Variants in LRRN1 observed in about 807,000 individuals in gnomAD.
The protein encoded by LRRN1 is leucine rich repeat neuronal 1.
LRRN1 carries 14 observed loss-of-function variants against 45.8 expected under a neutral mutation model. That is an observed-to-expected ratio of 0.31 (90% CI 0.20 to 0.48). The LOEUF is 0.48. Among genes scored for constraint, LRRN1 ranks in the 20% least tolerant of loss-of-function variants. The pLI is 0.99. For synonymous variants in LRRN1, 359 were observed against 330.1 expected (o/e 1.09, Z -0.95); for missense variants, 789 against 874.2 (o/e 0.90, Z 1.23).
chr3:3,838,554 G>C (rs989957447), intron 1 of LRRN1, among the ~76,000 whole-genome samples: 1 of 152,154 alleles, frequency 6.6e-6, no homozygotes, highest in Non-Finnish European at 1.5e-5. Context: ...CCTGAACTGG[G>C]ACATAATCGT....
chr3:3,820,431 A>G (rs896733752), intron 1 of LRRN1, among the ~76,000 whole-genome samples: 5 of 152,176 alleles, frequency 3.3e-5, no homozygotes, highest in African/African-American at 1.2e-4. Flanking sequence ...ATGGCCTTTC[A>G]TACAGGGCTG....
rs757046418 is a variant in LRRN1 at position 3,845,839 on chromosome 3, G to C, written c.1198G>C (p.Ala400Pro). ...CATGGAGCCCCTGTCCATGTTCTGT[G>C]CCATGCCGCCCGAATATAAAGGGCA... ...RFMEPLSMFC[A>P]MPPEYKGHQV... The change falls in exon 2 of 2, where the codon GCC (alanine) becomes CCC (proline). Residue 400 changes from alanine (A) to proline (P), a missense_variant. Transcript: ENST00000319331. This position sits in a 1 kb window ranked among gnomAD's most constrained non-coding sequence, Gnocchi z 6.5. The C allele has an allele frequency of 1.2e-6, 2 of 1,614,126 alleles. No homozygotes were observed. Among genetic ancestry groups the C allele is most frequent in the Non-Finnish European group, 8.5e-7 (1 of 1,180,024 alleles).
At chr3:3,812,313 G>A (rs1692891411) in intron 1 of LRRN1, among the ~76,000 whole-genome samples, 1 of 152,208 alleles carries the variant, frequency 6.6e-6, no homozygotes, top group Non-Finnish European at 1.5e-5. Context: ...GTAACATAAA[G>A]CCTTCTAAGA....
At chr3:3,843,350 A>G (rs901371442) in intron 1 of LRRN1, among the ~76,000 whole-genome samples, 1 of 152,232 alleles carries the variant, frequency 6.6e-6, no homozygotes, top group Non-Finnish European at 1.5e-5. Flanking sequence ...CAATGGTATG[A>G]CAGAATGAAG....
At chr3:3,802,804 T>G (rs79068015) in intron 1 of LRRN1, among the ~76,000 whole-genome samples, 1 of 152,374 alleles carries the variant, frequency 6.6e-6, no homozygotes, top group Non-Finnish European at 1.5e-5. Context: ...TTGACATTTC[T>G]AGACTATAAA....
intron 1 of LRRN1, among the ~76,000 whole-genome samples, chr3:3,824,436 T>C (rs932171400): frequency 2.6e-5 from 4 of 152,136 alleles, no homozygotes; most frequent in South Asian, 2.1e-4. Context: ...TTACAACTTA[T>C]ACATGCAATT....
chr3:3,809,481 G>A (rs771676813), intron 1 of LRRN1, among the ~76,000 whole-genome samples: 13 of 152,220 alleles, frequency 8.5e-5, no homozygotes, highest in African/African-American at 1.4e-4. Flanking sequence ...GCTTCAAACT[G>A]CTAGCAATAT....
At chr3:3,807,070 G>C (rs1470833212) in intron 1 of LRRN1, among the ~76,000 whole-genome samples, 2 of 152,168 alleles carry the variant, frequency 1.3e-5, no homozygotes, top group Non-Finnish European at 2.9e-5. Context: ...CTAGCTCTTG[G>C]GTTACCGAAG....
chr3:3,841,555 G>C (rs1157313560), intron 1 of LRRN1, among the ~76,000 whole-genome samples: 1 of 151,992 alleles, frequency 6.6e-6, no homozygotes, highest in Admixed American at 6.5e-5. Flanking sequence ...GTCTTGCTCT[G>C]TTGCCCAGGC....
At chr3:3,842,229 G>A (rs956615151) in intron 1 of LRRN1, among the ~76,000 whole-genome samples, 1 of 151,964 alleles carries the variant, frequency 6.6e-6, no homozygotes, top group Non-Finnish European at 1.5e-5. Context: ...TCTTTATGGT[G>A]GCACAAGACT....
intron 1 of LRRN1, among the ~76,000 whole-genome samples, chr3:3,818,555 ATT>A (rs1272614006): frequency 2.0e-5 from 3 of 152,132 alleles, no homozygotes; most frequent in Non-Finnish European, 4.4e-5. Flanking sequence ...ACAGAAAAAA[ATT>A]TTTCCCGTCG....
intron 1 of LRRN1, among the ~76,000 whole-genome samples, chr3:3,812,388 C>T (rs1204502568): frequency 6.6e-6 from 1 of 150,390 alleles, no homozygotes; most frequent in East Asian, 1.9e-4. Context: ...GAGAGTTAGC[C>T]AGGCAAAGCG....
rs1460395794 is a variant in LRRN1 at position 3,846,363 on chromosome 3, C to G, written c.1722C>G (p.Val574=). The G allele has an allele frequency of 6.2e-7, 1 of 1,613,792 alleles. No individual in the cohort carries two copies. The highest frequency in any genetic ancestry group is 2.2e-5 in the East Asian group (1 of 44,886). Reference sequence around the variant, plus strand: ...CTCACATAACATATACTGCCAGGGTCCCAGTCGATGTCCATGAATACAACC... The same window carrying G: ...CTCACATAACATATACTGCCAGGGTGCCAGTCGATGTCCATGAATACAACC... The part of the protein sequence containing the change: ...DNPHITYTAR[V]PVDVHEYNLT... The change falls in exon 2 of 2, where the codon GTC becomes GTG. Residue 574 remains valine (V), a synonymous_variant. Coordinates refer to ENST00000319331, the MANE Select transcript of LRRN1 (RefSeq NM_020873.7). The surrounding 1 kb of genome is among the most constrained non-coding windows in gnomAD (Gnocchi z 5.7).
At chr3:3,834,776 T>C (rs1345689621) in intron 1 of LRRN1, among the ~76,000 whole-genome samples, 1 of 151,276 alleles carries the variant, frequency 6.6e-6, no homozygotes, top group African/African-American at 2.4e-5. Flanking sequence ...GAGAAAGATG[T>C]AGGCTGGGAG....
chr3:3,826,638 C>G (rs1008816651), intron 1 of LRRN1, among the ~76,000 whole-genome samples: 1 of 152,060 alleles, frequency 6.6e-6, no homozygotes, highest in Non-Finnish European at 1.5e-5. Context: ...AGCTCTTCCT[C>G]TCATACGACC....
rs1464780419 is a variant in LRRN1 at position 3,844,961 on chromosome 3, T to G, written c.320T>G (p.Phe107Cys). 2 of 1,613,942 alleles carry G rather than the reference T, an allele frequency of 1.2e-6. No individual in the cohort carries two copies. The highest frequency in any genetic ancestry group is 1.7e-6 in the Non-Finnish European group (2 of 1,180,016). ...GAACTAGATTTCTCCCAAAACAACT[T>G]TACTAACATTAAGGAGGTCGGGCTG... ...LTELDFSQNN[F>C]TNIKEVGLAN... Residue 107 changes from phenylalanine to cysteine, a missense_variant, in exon 2 of 2, where the codon TTT becomes TGT. By Grantham distance (205) the Phe-to-Cys change is radical. Transcript: ENST00000319331.
chr3:3,844,686 G>C lies in LRRN1; in HGVS notation c.45G>C (p.Leu15=), dbSNP rs1267498557. The C allele has an allele frequency of 6.2e-7, 1 of 1,614,076 alleles. No individual in the cohort carries two copies. The highest frequency in any genetic ancestry group is 1.3e-5 in the African/African-American group (1 of 75,048). ...TTATAGCAGCTTGCCAATTGGTGCT[G>C]GGCCTACTAATGACTTCATTAACCG... ...SFVIAACQLV[L]GLLMTSLTES... The change falls in exon 2 of 2, where the codon CTG becomes CTC. Residue 15 remains leucine (L), a synonymous_variant. Transcript: ENST00000319331.
intron 1 of LRRN1, among the ~76,000 whole-genome samples, chr3:3,837,597 G>C (rs1464636837): frequency 1.3e-5 from 2 of 152,168 alleles, no homozygotes; most frequent in African/African-American, 4.8e-5. Flanking sequence ...TATAATGCCA[G>C]GAAGGCTAAA....
rs555987432 is a variant in LRRN1, at chr3:3,830,966, G to C, written c.-278-13398G>C. ...CTCCAAAATCCTAGAGGCCTCCACTGTGATTCATCTATGGGGGCCTGCCAA... is the reference window on the plus strand; with the variant it reads ...CTCCAAAATCCTAGAGGCCTCCACTCTGATTCATCTATGGGGGCCTGCCAA... On this transcript the variant is annotated intron_variant, in intron 1 of 1. Transcript: ENST00000319331. Among the ~76,000 whole-genome samples the C allele has an allele frequency of 5.9e-5, 9 of 152,312 alleles. No homozygotes were observed. The South Asian group carries it at 1.9e-3, about 32-fold the overall frequency.
Sources: gnomAD v4.1 joint callset for allele counts (sites outside exome capture counted in the v4.1 genomes callset) on GRCh38, gnomAD v4.1.1 for gene constraint, Gnocchi (gnomAD v3.1) non-coding constraint, MANE v1.5 for transcripts, NCBI Gene and HGNC (gene_info 2026-07-23, HGNC 2026-07-21) for gene names.